CNTN4: variants seen among roughly 807,000 people sequenced by gnomAD.
CNTN4 encodes the protein contactin 4, also known as contactin-4.
CNTN4 carries 77 observed loss-of-function variants against 122.5 expected under a neutral mutation model. The ratio of observed to expected loss-of-function variants is 0.63; its 90% CI spans 0.52 to 0.76. CNTN4 has a LOEUF of 0.76. CNTN4 is among the 30% of genes least tolerant of loss of function. The pLI is 0.00. For missense variants in CNTN4, 1,256 were observed against 1,259.1 expected (o/e 1.00, Z 0.04); for synonymous variants, 512 against 447.0 (o/e 1.15, Z -1.83).
chr3:2,762,260 A>G lies in CNTN4; in HGVS notation c.358+16563A>G, dbSNP rs1472270591. Among the ~76,000 whole-genome samples, 3 of 152,318 alleles carry G rather than the reference A, an allele frequency of 2.0e-5. 1 individual carries two copies. The highest frequency in any genetic ancestry group is 6.8e-3 in the Middle Eastern group (2 of 294). On this transcript the variant is annotated intron_variant, in intron 6 of 24. Transcript: ENST00000418658. The stretch of plus-strand genomic sequence containing the variant: ...AGGAATACACGTGCAGGTTTGTTAC[A>G]TAGGTAAACTTGTGTCATGAGGGTT...
At chr3:2,581,327 GAGACTTTAAT>G (rs1342813586) in intron 4 of CNTN4, among the ~76,000 whole-genome samples, 1 of 152,102 alleles carries the variant, frequency 6.6e-6, no homozygotes, top group African/African-American at 2.4e-5. Context: ...TCTGACCTCA[GAGACTTTAAT>G]ATATAAGGGG....
At chr3:2,815,873 C>CATATATATATATATATATATGTATAT (rs58111735) in intron 6 of CNTN4, among the ~76,000 whole-genome samples, 1 of 141,230 alleles carries the variant, frequency 7.1e-6, no homozygotes, top group African/African-American at 3.1e-5. Flanking sequence ...GAAACTATGG[C>CATATATATATATATATATATGTATAT]ATATATATAT....
intron 5 of CNTN4, among the ~76,000 whole-genome samples, chr3:2,741,530 G>A (rs1469312403): frequency 6.6e-6 from 1 of 152,174 alleles, no homozygotes; most frequent in Non-Finnish European, 1.5e-5. Flanking sequence ...TAGGACAGCA[G>A]GTGTAAACCA....
intron 12 of CNTN4, among the ~76,000 whole-genome samples, chr3:2,913,335 A>G (rs1040774127): frequency 6.6e-6 from 1 of 152,220 alleles, no homozygotes; most frequent in Non-Finnish European, 1.5e-5. Flanking sequence ...ACATAAATTG[A>G]TTAAATGCCC....
Position 2,964,059 on chromosome 3 carries a change from T to C in CNTN4, c.1359-24286T>C, listed in dbSNP as rs377634063. ...ACACATAGTAGGTTCTTATTACAAATATGTTTCATGAATGCAATACCATAT... is the reference window on the plus strand; with the variant it reads ...ACACATAGTAGGTTCTTATTACAAACATGTTTCATGAATGCAATACCATAT... On this transcript the variant is annotated intron_variant, in intron 13 of 24. Coordinates refer to ENST00000418658, the MANE Select transcript of CNTN4 (RefSeq NM_175607.3). Among the ~76,000 whole-genome samples the C allele has an allele frequency of 5.3e-4, 81 of 152,334 alleles. No homozygotes were observed. In the East Asian group the frequency reaches 0.012, roughly 23 times the overall value.
At chr3:2,549,413 G>T (rs1201287213) in intron 3 of CNTN4, among the ~76,000 whole-genome samples, 2 of 152,042 alleles carry the variant, frequency 1.3e-5, no homozygotes, top group Non-Finnish European at 2.9e-5. Flanking sequence ...GCATGAAGAG[G>T]TGTTGAATTT....
intron 4 of CNTN4, among the ~76,000 whole-genome samples, chr3:2,648,082 T>C (rs1434248325): frequency 1.3e-5 from 2 of 152,194 alleles, no homozygotes; most frequent in East Asian, 1.9e-4. Flanking sequence ...AAGAAAACGC[T>C]CTGAAGATTT....
chr3:2,626,338 G>A (rs9876464), intron 4 of CNTN4, among the ~76,000 whole-genome samples: 15,822 of 150,586 alleles, frequency 0.11, 2,788 homozygotes, highest in African/African-American at 0.36. Flanking sequence ...CTAAAAATAC[G>A]AAAAAAAAAT....
chr3:2,405,345 T>A (rs1338053277), intron 3 of CNTN4, among the ~76,000 whole-genome samples: 1 of 152,146 alleles, frequency 6.6e-6, no homozygotes, highest in Non-Finnish European at 1.5e-5. Context: ...GTTCTTCAAA[T>A]GCTCTTTGAA....
intron 3 of CNTN4, among the ~76,000 whole-genome samples, chr3:2,527,288 C>G (rs1396030811): frequency 6.6e-6 from 1 of 152,192 alleles, no homozygotes; most frequent in Non-Finnish European, 1.5e-5. Context: ...TGGATGTCCT[C>G]TGAAGTTTTA....
At chr3:2,435,171 T>G (rs2151234526) in intron 3 of CNTN4, among the ~76,000 whole-genome samples, 1 of 152,270 alleles carries the variant, frequency 6.6e-6, no homozygotes, top group Admixed American at 6.5e-5. Flanking sequence ...ACCAATTAAT[T>G]ACCAATTCAT....
intron 2 of CNTN4, among the ~76,000 whole-genome samples, chr3:2,160,546 C>T (rs1250889776): frequency 1.3e-5 from 2 of 152,116 alleles, no homozygotes; most frequent in Non-Finnish European, 2.9e-5. Context: ...GTGATAGATT[C>T]CACATCAACT....
chr3:2,918,662 T>C (rs4996692), intron 12 of CNTN4, among the ~76,000 whole-genome samples: 84,651 of 151,692 alleles, frequency 0.56, 23,623 homozygotes, highest in East Asian at 0.69. Flanking sequence ...GTGTTTTATT[T>C]TATTGTTTTG....
chr3:2,778,979 G>A lies in CNTN4; in HGVS notation c.358+33282G>A, dbSNP rs1030596430. Among the ~76,000 whole-genome samples the A allele has an allele frequency of 5.9e-5, 9 of 152,250 alleles. No individual in the cohort carries two copies. The South Asian group carries it at 8.3e-4, about 14-fold the overall frequency. ...AGTTGCTAAGAAACAAATTATAATTGCAGCTCAGACTCTTTACTGTGTTAG... is the reference window on the plus strand; with the variant it reads ...AGTTGCTAAGAAACAAATTATAATTACAGCTCAGACTCTTTACTGTGTTAG... On this transcript the variant is annotated intron_variant, in intron 6 of 24. Coordinates refer to ENST00000418658, the MANE Select transcript of CNTN4 (RefSeq NM_175607.3).
chr3:2,807,565 A>T (rs1261185939), intron 6 of CNTN4, among the ~76,000 whole-genome samples: 1 of 152,064 alleles, frequency 6.6e-6, no homozygotes, highest in African/African-American at 2.4e-5. Context: ...CTCAAAGAAG[A>T]TGGAAAAGAG....
intron 6 of CNTN4, among the ~76,000 whole-genome samples, chr3:2,787,384 A>G (rs1044126960): frequency 2.0e-5 from 3 of 152,166 alleles, no homozygotes; most frequent in African/African-American, 7.2e-5. Flanking sequence ...TCAAAAAAAC[A>G]TACATAAATA....
At chr3:2,275,187 A>G (rs866149127) in intron 2 of CNTN4, among the ~76,000 whole-genome samples, 1 of 152,244 alleles carries the variant, frequency 6.6e-6, no homozygotes, top group Admixed American at 6.5e-5. Flanking sequence ...AATTATGAAT[A>G]TATCAGCTGA....
intron 3 of CNTN4, among the ~76,000 whole-genome samples, chr3:2,397,743 G>C (rs2046692558): frequency 6.6e-6 from 1 of 152,092 alleles, no homozygotes; most frequent in South Asian, 2.1e-4. Flanking sequence ...AATGTGTTCT[G>C]TTTCACTAAC....
rs1054556894 is a variant in CNTN4, at chr3:3,057,817, A to G, written c.*1597A>G. The G allele has an allele frequency of 1.3e-5, 2 of 152,784 alleles. No individual in the cohort carries two copies. Among genetic ancestry groups the G allele is most frequent in the East Asian group, 3.9e-4 (2 of 5,190 alleles). The allele number at this position is 152,784 out of a possible 1,614,324, so 9.5% of individuals were successfully genotyped here. ...TAAAATTTAAAATCACATGCAAAAA[A>G]AAAATCAGCAAAATAATAAAATGAA... On this transcript the variant is annotated 3_prime_UTR_variant, in exon 25 of 25. Transcript: ENST00000418658.
Sources: allele counts gnomAD v4.1 joint callset (sites outside exome capture counted in the v4.1 genomes callset), GRCh38; gene constraint gnomAD v4.1.1; transcripts MANE v1.5; gene names NCBI Gene and HGNC (gene_info 2026-07-23, HGNC 2026-07-21).